JAKMIP2: variants seen among roughly 807,000 people sequenced by gnomAD.
JAKMIP2 encodes janus kinase and microtubule interacting protein 2, also known as janus kinase and microtubule-interacting protein 2.
A neutral mutation model predicts 115.0 loss-of-function variants in JAKMIP2; 25 were observed. That is an observed-to-expected ratio of 0.22 (90% CI 0.16 to 0.30). JAKMIP2 has a LOEUF of 0.30. Ranked by LOEUF, JAKMIP2 falls within the 10% of genes least tolerant of loss-of-function variation. JAKMIP2 has a pLI of 1.00. For synonymous variants in JAKMIP2, 334 were observed against 343.6 expected (o/e 0.97, Z 0.31); for missense variants, 642 against 957.6 (o/e 0.67, Z 4.35).
chr5:147,725,652 G>A (rs1268692365), intron 1 of JAKMIP2, among the ~76,000 whole-genome samples: 1 of 152,048 alleles, frequency 6.6e-6, no homozygotes, highest in African/African-American at 2.4e-5. Context: ...GACAGAGAAG[G>A]TTAAAGGCCC....
In JAKMIP2 at chr5:147,591,309, C is replaced by A. The variant is rs764005261; in HGVS notation, c.*398G>T. ...GGGGTGTGGTGTTACATTAAAATGACCCCCCTGCACAGCAGGGGTTGAATA... is the reference window on the plus strand; with the variant it reads ...GGGGTGTGGTGTTACATTAAAATGAACCCCCTGCACAGCAGGGGTTGAATA... On this transcript the variant is annotated 3_prime_UTR_variant, in exon 22 of 22. Coordinates refer to ENST00000616793, the MANE Select transcript of JAKMIP2 (RefSeq NM_001270941.2). The A allele has an allele frequency of 1.4e-5, 3 of 213,182 alleles. No homozygotes were observed. Among genetic ancestry groups the A allele is most frequent in the East Asian group, 1.3e-4 (1 of 7,856 alleles). The allele number at this position is 213,182 out of a possible 1,614,324, so 13.2% of individuals were successfully genotyped here.
chr5:147,736,121 T>C (rs75090893), intron 1 of JAKMIP2, among the ~76,000 whole-genome samples: 37 of 152,132 alleles, frequency 2.4e-4, no homozygotes, highest in African/African-American at 8.7e-4. Flanking sequence ...TTCTCAAGAG[T>C]TGGGGTTTTC....
intron 1 of JAKMIP2, among the ~76,000 whole-genome samples, chr5:147,700,218 A>G (rs929303952): frequency 1.3e-5 from 2 of 152,230 alleles, no homozygotes; most frequent in Non-Finnish European, 2.9e-5. Context: ...TACTAAAAAT[A>G]GTTAAAAATA....
At chr5:147,614,626 C>A (rs957652545) in intron 19 of JAKMIP2, among the ~76,000 whole-genome samples, 1 of 152,154 alleles carries the variant, frequency 6.6e-6, no homozygotes, top group Non-Finnish European at 1.5e-5. Context: ...TGTGAACTCT[C>A]AGAATGTAAA....
intron 1 of JAKMIP2, among the ~76,000 whole-genome samples, chr5:147,689,762 T>C (rs2126855962): frequency 6.6e-6 from 1 of 152,314 alleles, no homozygotes; most frequent in South Asian, 2.1e-4. Flanking sequence ...AGGATAATAG[T>C]TACACCATAA....
chr5:147,693,000 T>C (rs2126865252), intron 1 of JAKMIP2, among the ~76,000 whole-genome samples: 1 of 152,350 alleles, frequency 6.6e-6, no homozygotes, highest in African/African-American at 2.4e-5. Flanking sequence ...CATAATTATG[T>C]GTGCCACCAA....
intron 1 of JAKMIP2, among the ~76,000 whole-genome samples, chr5:147,719,683 T>C (rs1201231520): frequency 2.6e-5 from 4 of 151,080 alleles, no homozygotes; most frequent in African/African-American, 7.3e-5. Flanking sequence ...CTGCCTTTTT[T>C]TGTTTTCCAT....
intron 21 of JAKMIP2, among the ~76,000 whole-genome samples, chr5:147,598,457 T>TATCTATCTATC: frequency 8.1e-6 from 1 of 123,528 alleles, no homozygotes; most frequent in East Asian, 2.9e-4. Context: ...TCTATCTATC[T>TATCTATCTATC]ATCATCTATC....
At chr5:147,655,335 CT>C (rs1758624345) in intron 3 of JAKMIP2, among the ~76,000 whole-genome samples, 1 of 152,010 alleles carries the variant, frequency 6.6e-6, no homozygotes, top group Non-Finnish European at 1.5e-5. Context: ...TGGTCCTGGG[CT>C]TTTTTTGTTG....
At chr5:147,606,452 T>C (rs1403961369) in intron 20 of JAKMIP2, among the ~76,000 whole-genome samples, 2 of 152,224 alleles carry the variant, frequency 1.3e-5, no homozygotes, top group African/African-American at 4.8e-5. Flanking sequence ...CCTTTCCCCA[T>C]TGCTTGTTTT....
intron 16 of JAKMIP2, 118 bp downstream of exon 16, chr5:147,628,633 G>A: frequency 1.5e-6 from 1 of 652,194 alleles, no homozygotes; most frequent in Non-Finnish European, 2.6e-6. Context: ...AAAATAAAAT[G>A]TGTATTAGGT....
At position 147,671,703 on chromosome 5, in the gene JAKMIP2, A is replaced by G; in HGVS notation, c.104T>C (p.Ile35Thr). The G allele has an allele frequency of 6.4e-7, 1 of 1,564,822 alleles. No individual in the cohort carries two copies. The highest frequency in any genetic ancestry group is 8.7e-7 in the Non-Finnish European group (1 of 1,153,816). Reference protein sequence around the residue: ...DLRTKLTDIQIELHQEKSKVS... With the variant: ...DLRTKLTDIQTELHQEKSKVS... Reference sequence around the variant, plus strand: ...CTTGGACTTCTCTTGATGCAGCTCTATCTGAATGTCTGTGAGCTTGGTCCT... The same window carrying G: ...CTTGGACTTCTCTTGATGCAGCTCTGTCTGAATGTCTGTGAGCTTGGTCCT... The change falls in exon 2 of 22, where the codon ATA (isoleucine) becomes ACA (threonine). Residue 35 changes from isoleucine to threonine, a missense_variant. Transcript: ENST00000616793.
At chr5:147,667,152 G>A (rs146442824) in intron 2 of JAKMIP2, among the ~76,000 whole-genome samples, 112 of 152,176 alleles carry the variant, frequency 7.4e-4, no homozygotes, top group African/African-American at 2.3e-3. Context: ...CTTGGGGTGC[G>A]TATGGGCCTA....
intron 1 of JAKMIP2, among the ~76,000 whole-genome samples, chr5:147,722,011 C>A (rs1462446749): frequency 1.3e-5 from 2 of 152,154 alleles, no homozygotes; most frequent in African/African-American, 4.8e-5. Flanking sequence ...GAAATACCTA[C>A]TTCCTGTCGA....
chr5:147,726,255 T>C (rs546205372), intron 1 of JAKMIP2, among the ~76,000 whole-genome samples: 3 of 152,220 alleles, frequency 2.0e-5, no homozygotes, highest in Non-Finnish European at 4.4e-5. Flanking sequence ...TATTGGGTGC[T>C]AACTGGAGTG....
chr5:147,597,993 CTTTT>C (rs56665577), intron 21 of JAKMIP2, among the ~76,000 whole-genome samples: 2 of 146,714 alleles, frequency 1.4e-5, no homozygotes, highest in African/African-American at 5.0e-5. Context: ...CTTCTTATTC[CTTTT>C]TTTTTTTTCT....
At chr5:147,684,745 T>C (rs1760488054) in intron 1 of JAKMIP2, among the ~76,000 whole-genome samples, 1 of 152,210 alleles carries the variant, frequency 6.6e-6, no homozygotes, top group Admixed American at 6.5e-5. Context: ...AGGCACGCTC[T>C]ATTTTTTTTC....
intron 3 of JAKMIP2, among the ~76,000 whole-genome samples, chr5:147,651,915 C>T (rs1743712359): frequency 6.6e-6 from 1 of 152,160 alleles, no homozygotes; most frequent in Non-Finnish European, 1.5e-5. Flanking sequence ...TCAGACTTGT[C>T]AACTGGAGCA....
chr5:147,685,925 G>A (rs971895599), intron 1 of JAKMIP2, among the ~76,000 whole-genome samples: 2 of 152,058 alleles, frequency 1.3e-5, no homozygotes, highest in African/African-American at 2.4e-5. Flanking sequence ...CTGGCATAGC[G>A]CAGGGTGGCG....
Sources: gnomAD v4.1 joint callset for allele counts (sites outside exome capture counted in the v4.1 genomes callset) on GRCh38, gnomAD v4.1.1 for gene constraint, MANE v1.5 for transcripts, NCBI Gene and HGNC (gene_info 2026-07-23, HGNC 2026-07-21) for gene names.